RPH3A: variants seen among roughly 807,000 people sequenced by gnomAD.
RPH3A encodes rabphilin 3A.
RPH3A carries 48 observed loss-of-function variants against 102.2 expected under a neutral mutation model. That is an observed-to-expected ratio of 0.47 (90% CI 0.37 to 0.60). RPH3A has a LOEUF of 0.60. Among genes scored for constraint, RPH3A ranks in the 20% least tolerant of loss-of-function variants. The pLI, the probability that RPH3A is intolerant of heterozygous loss-of-function variation, is 0.00. For synonymous variants in RPH3A, 310 were observed against 324.3 expected (o/e 0.96, Z 0.47); for missense variants, 781 against 910.1 (o/e 0.86, Z 1.83).
At chr12:112,725,766 T>TTG in intron 1 of RPH3A, among the ~76,000 whole-genome samples, 1 of 148,600 alleles carries the variant, frequency 6.7e-6, no homozygotes, top group Non-Finnish European at 1.5e-5. Context: ...GAGTGTAGTT[T>TTG]TTGTTGTTGT....
chr12:112,777,775 C>G (rs1022297474), intron 1 of RPH3A, among the ~76,000 whole-genome samples: 2 of 152,192 alleles, frequency 1.3e-5, no homozygotes, highest in African/African-American at 2.4e-5. Context: ...AAATGCAGCA[C>G]AGGCTGCAAT....
chr12:112,580,088 G>T (rs948280933), intron 1 of RPH3A, among the ~76,000 whole-genome samples: 7 of 152,096 alleles, frequency 4.6e-5, no homozygotes, highest in Non-Finnish European at 1.0e-4. Flanking sequence ...AACAGATACC[G>T]TGTCTATTTC....
chr12:112,829,626 A>C (rs529204746), intron 3 of RPH3A, among the ~76,000 whole-genome samples: 2 of 152,194 alleles, frequency 1.3e-5, no homozygotes, highest in Admixed American at 6.5e-5. Flanking sequence ...GTTTCCCTAA[A>C]CTTGGTCATT....
At chr12:112,577,768 C>T (rs56193617) in intron 1 of RPH3A, among the ~76,000 whole-genome samples, 2,106 of 150,294 alleles carry the variant, frequency 0.014, 49 homozygotes, top group African/African-American at 0.048. Flanking sequence ...GTCTTGAACT[C>T]CTGGGCTTAA....
At chr12:112,852,413 T>C (rs2042337128) in intron 5 of RPH3A, among the ~76,000 whole-genome samples, 1 of 152,128 alleles carries the variant, frequency 6.6e-6, no homozygotes, top group African/African-American at 2.4e-5. Flanking sequence ...TTTATCCCAT[T>C]ATGTAGAAAG....
intron 1 of RPH3A, among the ~76,000 whole-genome samples, chr12:112,766,937 C>T (rs920238119): frequency 6.6e-6 from 1 of 152,134 alleles, no homozygotes; most frequent in Admixed American, 6.5e-5. Flanking sequence ...GCTGGGGCCC[C>T]AGAGCACACA....
chr12:112,697,727 TG>T (rs1214320868), intron 1 of RPH3A, among the ~76,000 whole-genome samples: 1 of 152,030 alleles, frequency 6.6e-6, no homozygotes, highest in Non-Finnish European at 1.5e-5. Flanking sequence ...TAGCCAGGCA[TG>T]GTGGCATATG....
At chr12:112,598,157 A>G (rs998713000) in intron 1 of RPH3A, among the ~76,000 whole-genome samples, 1 of 152,222 alleles carries the variant, frequency 6.6e-6, no homozygotes, top group African/African-American at 2.4e-5. Context: ...GGTTGAACAT[A>G]CTGCCATGTC....
intron 2 of RPH3A, among the ~76,000 whole-genome samples, chr12:112,801,050 C>T (rs2041340025): frequency 6.6e-6 from 1 of 152,068 alleles, no homozygotes; most frequent in African/African-American, 2.4e-5. Context: ...GATATCGTAA[C>T]TTGGCAAAGG....
chr12:112,682,813 G>A (rs1287575146), intron 1 of RPH3A, among the ~76,000 whole-genome samples: 1 of 152,190 alleles, frequency 6.6e-6, no homozygotes, highest in Non-Finnish European at 1.5e-5. Context: ...TTGATGGGCA[G>A]TTAACTGCCT....
At chr12:112,800,038 C>T (rs543518681) in intron 2 of RPH3A, among the ~76,000 whole-genome samples, 1 of 152,112 alleles carries the variant, frequency 6.6e-6, no homozygotes, top group South Asian at 2.1e-4. Context: ...GTGAGGGAGC[C>T]GGAGTTCCCT....
intron 1 of RPH3A, among the ~76,000 whole-genome samples, chr12:112,744,558 T>C (rs1358606487): frequency 6.6e-6 from 1 of 152,200 alleles, no homozygotes. Context: ...TTTAGATTTA[T>C]AGCTGCTTGT....
At chr12:112,610,031 G>A (rs936109900) in intron 1 of RPH3A, among the ~76,000 whole-genome samples, 5 of 152,070 alleles carry the variant, frequency 3.3e-5, no homozygotes, top group Admixed American at 6.6e-5. Flanking sequence ...TGATCTGACC[G>A]TGCCCTGCTC....
chr12:112,762,292 A>T (rs1448704468), intron 1 of RPH3A, among the ~76,000 whole-genome samples: 1 of 152,202 alleles, frequency 6.6e-6, no homozygotes, highest in East Asian at 1.9e-4. Flanking sequence ...TAATGTAAAA[A>T]TAGTAAGTTG....
intron 16 of RPH3A, among the ~76,000 whole-genome samples, chr12:112,883,745 T>A (rs1158241346): frequency 1.3e-5 from 2 of 152,230 alleles, no homozygotes; most frequent in East Asian, 3.8e-4. Flanking sequence ...ATCTCATTAG[T>A]ACATCTGTAT....
At chr12:112,717,280 C>A (rs2040519815) in intron 1 of RPH3A, among the ~76,000 whole-genome samples, 1 of 152,128 alleles carries the variant, frequency 6.6e-6, no homozygotes, top group Admixed American at 6.5e-5. Flanking sequence ...TACAGAACCA[C>A]CACCCCCATC....
intron 1 of RPH3A, among the ~76,000 whole-genome samples, chr12:112,581,458 C>T (rs1365657262): frequency 6.6e-6 from 1 of 152,212 alleles, no homozygotes; most frequent in East Asian, 1.9e-4. Flanking sequence ...TGGGTGGGGA[C>T]ACAGCCAAAC....
chr12:112,809,069 G>A (rs1006316360), intron 2 of RPH3A, among the ~76,000 whole-genome samples: 1 of 152,152 alleles, frequency 6.6e-6, no homozygotes, highest in Non-Finnish European at 1.5e-5. Context: ...GGATGTGACT[G>A]TTCACCACCT....
intron 1 of RPH3A, among the ~76,000 whole-genome samples, chr12:112,683,676 A>G (rs2040242367): frequency 6.6e-6 from 1 of 152,138 alleles, no homozygotes. Flanking sequence ...CTCACTGCTG[A>G]GTGGGAAAGA....
Sources: gnomAD v4.1 joint callset for allele counts (sites outside exome capture counted in the v4.1 genomes callset) on GRCh38, gnomAD v4.1.1 for gene constraint, MANE v1.5 for transcripts, NCBI Gene and HGNC (gene_info 2026-07-23, HGNC 2026-07-21) for gene names.